Variants in PCBP3 observed in about 807,000 individuals in gnomAD.
The protein encoded by PCBP3 is poly(rC)-binding protein 3.
PCBP3 carries 25 observed loss-of-function variants against 52.7 expected under a neutral mutation model. The observed-to-expected ratio is 0.47, with a 90% confidence interval of 0.35 to 0.66. The LOEUF (loss-of-function observed/expected upper bound fraction) is 0.66, where lower values mean the gene tolerates loss of function less well. Among genes scored for constraint, PCBP3 ranks in the 30% least tolerant of loss-of-function variants. The pLI is 0.01. For synonymous variants in PCBP3, 162 were observed against 183.0 expected, an observed-to-expected ratio of 0.89 and a Z score of 0.93; for missense variants, 391 against 490.3, an observed-to-expected ratio of 0.80 and a Z score of 1.91.
intron 4 of PCBP3, among the ~76,000 whole-genome samples, chr21:45,836,061 G>C (rs749207531): frequency 1.6e-4 from 24 of 152,146 alleles, no homozygotes; most frequent in Admixed American, 3.3e-4. Context: ...AGATGACAAG[G>C]AGTCCAGGCC....
chr21:45,668,416 T>A (rs2080946928), intron 1 of PCBP3, among the ~76,000 whole-genome samples: 1 of 152,160 alleles, frequency 6.6e-6, no homozygotes, highest in Non-Finnish European at 1.5e-5. Context: ...CAAATAAATG[T>A]AACCTGGCAA....
chr21:45,790,524 G>A lies in PCBP3; in HGVS notation c.-126+35072G>A, dbSNP rs568302260. Among the ~76,000 whole-genome samples, 336 of 152,264 alleles carry A rather than the reference G, an allele frequency of 2.2e-3. 3 individuals carry two copies. Among genetic ancestry groups the A allele is most frequent in the Non-Finnish European group, 3.2e-3 (221 of 68,028 alleles). ...TGGTCCCTCCATGATGTTTTATGCC[G>A]GAAATGGCATGGGTCATCCGGGGGC... On this transcript the variant is annotated intron_variant, in intron 4 of 17. Coordinates refer to ENST00000681687, the MANE Select transcript of PCBP3 (RefSeq NM_001384156.1).
intron 2 of PCBP3, among the ~76,000 whole-genome samples, chr21:45,713,834 G>A (rs2084024237): frequency 6.6e-6 from 1 of 152,210 alleles, no homozygotes; most frequent in Non-Finnish European, 1.5e-5. Context: ...AGCCAGTGCT[G>A]TTGTCTTGGC....
Position 45,676,349 on chromosome 21 carries a change from T to A in PCBP3, c.-200+7397T>A, listed in dbSNP as rs142431693. Among the ~76,000 whole-genome samples, 13 of 148,500 alleles carry A rather than the reference T, an allele frequency of 8.8e-5. No individual in the cohort carries two copies. In the East Asian group the frequency reaches 2.3e-3, roughly 27 times the overall value. On this transcript the variant is annotated intron_variant, in intron 2 of 17. Transcript: ENST00000681687. ...GCCTTCCAATATAGGCATCACTCAT[T>A]TTATTGCACTTTACAGAATTTTTTT...
rs398036499 is a variant in PCBP3 at position 45,654,338 on chromosome 21, A to ATTTT, written c.-279+10488_-279+10491dup. On this transcript the variant is annotated intron_variant, in intron 1 of 17. Transcript: ENST00000681687. ...GCAGGTCAGCTGATGTAGACATTGC[A>ATTTT]TTTTTTTTTTTTTTTTTTTTTGAGA... 4.7e-3 allele frequency among the ~76,000 whole-genome samples: 513 copies of ATTTT among 109,378 alleles called. 11 individuals are homozygous for ATTTT. Among genetic ancestry groups the ATTTT allele is most frequent in the Admixed American group, 0.023 (217 of 9,488 alleles). The allele number at this position is 109,378 out of a possible 152,430, so 71.8% of individuals were successfully genotyped here. A position where few individuals can be genotyped will look rare whatever the true frequency, so the allele number is the denominator to read the frequency against.
At chr21:45,882,665 A>G (rs1254640732) in intron 5 of PCBP3, among the ~76,000 whole-genome samples, 1 of 152,162 alleles carries the variant, frequency 6.6e-6, no homozygotes, top group Non-Finnish European at 1.5e-5. Flanking sequence ...CAGATCTTAC[A>G]TTTAAGTCTT....
intron 4 of PCBP3, among the ~76,000 whole-genome samples, chr21:45,771,823 G>T (rs915737296): frequency 7.2e-5 from 11 of 152,148 alleles, no homozygotes; most frequent in African/African-American, 2.7e-4. Context: ...TTTCCTCTCA[G>T]TCAGCATGTT....
chr21:45,788,155 C>G lies in PCBP3; in HGVS notation c.-126+32703C>G, dbSNP rs2091287947. 6.6e-6 allele frequency: 1 copy of G among 152,338 alleles called. No homozygotes were observed. Among genetic ancestry groups the G allele is most frequent in the Non-Finnish European group, 1.5e-5 (1 of 68,174 alleles). The allele number at this position is 152,338 out of a possible 1,614,324, so 9.4% of individuals were successfully genotyped here. ...TTTCTGGAGGATGCAGTACTGAATT[C>G]AAGTAACAAGGTGTCCTGTGAACCC... On this transcript the variant is annotated intron_variant, in intron 4 of 17. Transcript: ENST00000681687. The surrounding 1 kb of genome is among the most constrained non-coding windows in gnomAD (Gnocchi z 4.3).
chr21:45,769,811 T>C (rs1197826213), intron 4 of PCBP3, among the ~76,000 whole-genome samples: 3 of 152,160 alleles, frequency 2.0e-5, no homozygotes, highest in Non-Finnish European at 2.9e-5. Flanking sequence ...GTTTCACAAG[T>C]GATAGAAATG....
intron 4 of PCBP3, among the ~76,000 whole-genome samples, chr21:45,792,410 G>A (rs1470218229): frequency 6.6e-6 from 1 of 152,196 alleles, no homozygotes; most frequent in Non-Finnish European, 1.5e-5. Context: ...AGCCCCTCTG[G>A]GATAAGAGGT....
chr21:45,774,277 C>T (rs1052068471), intron 4 of PCBP3, among the ~76,000 whole-genome samples: 2 of 151,284 alleles, frequency 1.3e-5, no homozygotes, highest in African/African-American at 2.4e-5. Context: ...CGTGGTGGTG[C>T]GTGCCTGTAA....
At position 45,807,774 on chromosome 21, in the gene PCBP3, G is replaced by T. The variant is rs543295311; in HGVS notation, c.-125-42187G>T. On this transcript the variant is annotated intron_variant, in intron 4 of 17. Transcript: ENST00000681687. The stretch of plus-strand genomic sequence containing the variant: ...AAAAACAAAACAAAAAAAAAACCTG[G>T]AGGCATCATGCTACCTGACTTCAAA... Among the ~76,000 whole-genome samples the T allele has an allele frequency of 5.7e-3, 861 of 151,782 alleles. 7 individuals are homozygous for T. Among genetic ancestry groups the T allele is most frequent in the African/African-American group, 0.019 (804 of 41,366 alleles).
intron 4 of PCBP3, among the ~76,000 whole-genome samples, chr21:45,818,081 G>A (rs1411068487): frequency 1.3e-5 from 2 of 152,070 alleles, no homozygotes; most frequent in Admixed American, 6.5e-5. Context: ...GGAGTGCAGT[G>A]GTGCGATCTT....
intron 1 of PCBP3, among the ~76,000 whole-genome samples, chr21:45,664,177 C>T (rs1346654551): frequency 6.0e-5 from 8 of 133,424 alleles, no homozygotes. Flanking sequence ...AAGATAAAAT[C>T]CTAAAAGAAG....
At chr21:45,671,165 C>T (rs959527189) in intron 2 of PCBP3, among the ~76,000 whole-genome samples, 1 of 152,196 alleles carries the variant, frequency 6.6e-6, no homozygotes, top group South Asian at 2.1e-4. Context: ...AGTTTCAATG[C>T]TGTCCTGGGA....
chr21:45,773,778 G>T (rs1301752200), intron 4 of PCBP3, among the ~76,000 whole-genome samples: 1 of 152,020 alleles, frequency 6.6e-6, no homozygotes, highest in Non-Finnish European at 1.5e-5. Context: ...TGTGAATGAG[G>T]TTGGTATTTT....
intron 4 of PCBP3, among the ~76,000 whole-genome samples, chr21:45,787,259 G>T (rs1460687557): frequency 6.6e-6 from 1 of 152,034 alleles, no homozygotes; most frequent in Non-Finnish European, 1.5e-5. Flanking sequence ...GTTTCGTTTT[G>T]TTTGAGACAG....
intron 4 of PCBP3, chr21:45,763,551 T>G (rs1197190666): frequency 6.6e-6 from 1 of 152,116 alleles, no homozygotes; most frequent in Non-Finnish European, 1.5e-5. Flanking sequence ...CACTGCAAAG[T>G]TTTTTTTGGG....
chr21:45,652,093 T>C (rs1387501277), intron 1 of PCBP3, among the ~76,000 whole-genome samples: 2 of 152,256 alleles, frequency 1.3e-5, no homozygotes, highest in African/African-American at 4.8e-5. Context: ...ATTCACCCTT[T>C]CTTTGTTCTC....
Sources: gnomAD v4.1 joint callset for allele counts (sites outside exome capture counted in the v4.1 genomes callset) on GRCh38, gnomAD v4.1.1 for gene constraint, Gnocchi (gnomAD v3.1) non-coding constraint, MANE v1.5 for transcripts, NCBI Gene and HGNC (gene_info 2026-07-23, HGNC 2026-07-21) for gene names.